The following PCDH15 variants were observed in gnomAD, a reference collection of about 807,000 sequenced individuals.
PCDH15 encodes protocadherin-15.
A neutral mutation model predicts 178.5 loss-of-function variants in PCDH15; 129 were observed. That is an observed-to-expected ratio of 0.72 (90% CI 0.63 to 0.84). The LOEUF is 0.84. Among genes scored for constraint, PCDH15 ranks in the 40% least tolerant of loss-of-function variants. PCDH15 has a pLI of 0.00. For missense variants in PCDH15, 2,230 were observed against 2,099.9 expected (o/e 1.06, Z -1.21); for synonymous variants, 800 against 732.0 (o/e 1.09, Z -1.50).
chr10:54,174,076 A>G (rs1056295196), intron 13 of PCDH15, among the ~76,000 whole-genome samples: 2 of 152,222 alleles, frequency 1.3e-5, no homozygotes, highest in African/African-American at 4.8e-5. Context: ...TTTTTATAGC[A>G]GTAGAAAACC....
chr10:55,345,468 A>G (rs1277639534), intron 2 of PCDH15, among the ~76,000 whole-genome samples: 1 of 152,024 alleles, frequency 6.6e-6, no homozygotes, highest in Admixed American at 6.6e-5. Context: ...CACCACTTCA[A>G]AGCCCTAAGC....
At chr10:55,542,649 G>T (rs1841794216) in intron 2 of PCDH15, among the ~76,000 whole-genome samples, 1 of 130,060 alleles carries the variant, frequency 7.7e-6, no homozygotes, top group Non-Finnish European at 1.7e-5. Flanking sequence ...ATATGTATGT[G>T]TCTATATAGG....
chr10:54,018,202 C>G (rs2092804343), intron 20 of PCDH15, among the ~76,000 whole-genome samples: 1 of 152,066 alleles, frequency 6.6e-6, no homozygotes, highest in African/African-American at 2.4e-5. Flanking sequence ...ACTAAGGTCC[C>G]TCAGAGACAT....
At chr10:55,291,959 A>G (rs1843018819) in intron 1 of PCDH15, among the ~76,000 whole-genome samples, 1 of 152,144 alleles carries the variant, frequency 6.6e-6, no homozygotes, top group South Asian at 2.1e-4. Flanking sequence ...AGACCTGCCC[A>G]CATGACTCAA....
At chr10:54,468,858 G>C (rs1162821301) in intron 3 of PCDH15, among the ~76,000 whole-genome samples, 1 of 151,972 alleles carries the variant, frequency 6.6e-6, no homozygotes, top group South Asian at 2.1e-4. Flanking sequence ...ATTTACAGTT[G>C]TTATATTCTT....
chr10:54,049,948 T>C (rs1405530462), intron 18 of PCDH15, among the ~76,000 whole-genome samples: 1 of 152,194 alleles, frequency 6.6e-6, no homozygotes, highest in Non-Finnish European at 1.5e-5. Flanking sequence ...TTTAGTATGC[T>C]GTGAAATTCA....
chr10:54,166,256 C>G (rs1156843235), intron 13 of PCDH15, among the ~76,000 whole-genome samples: 1 of 152,172 alleles, frequency 6.6e-6, no homozygotes, highest in Non-Finnish European at 1.5e-5. Flanking sequence ...TCTTTCTCAT[C>G]AAATTTAACA....
chr10:53,982,197 T>C (rs1223584338), intron 21 of PCDH15, among the ~76,000 whole-genome samples: 2 of 152,010 alleles, frequency 1.3e-5, no homozygotes, highest in African/African-American at 2.4e-5. Context: ...TGTGGAGAAA[T>C]AGGAACACTT....
rs368638519 is a variant in PCDH15 at position 54,649,555 on chromosome 10, A to G, written c.91+14617T>C. On this transcript the variant is annotated intron_variant, in intron 2 of 37. Coordinates refer to ENST00000644397, the MANE Select transcript of PCDH15 (RefSeq NM_001384140.1). ...CTCTCATCAGTATTCCAATTTTTCA[A>G]TGAAGAACAATATATATGTAATCTA... 2.4e-4 allele frequency among the ~76,000 whole-genome samples: 36 copies of G among 152,260 alleles called. No individual in the cohort carries two copies. In the South Asian group the frequency reaches 6.6e-3, roughly 28 times the overall value.
chr10:54,227,667 A>C (rs1248284587), intron 9 of PCDH15, among the ~76,000 whole-genome samples: 2 of 152,182 alleles, frequency 1.3e-5, no homozygotes, highest in African/African-American at 2.4e-5. Context: ...CTTTTCTATC[A>C]AATTATCAGG....
At chr10:55,327,342 C>A (rs115315706) in intron 2 of PCDH15, among the ~76,000 whole-genome samples, 1 of 151,874 alleles carries the variant, frequency 6.6e-6, no homozygotes, top group Admixed American at 6.6e-5. Flanking sequence ...TAGCCTATGG[C>A]ATTTTTGTTA....
At chr10:54,120,971 T>C (rs2095208346) in intron 15 of PCDH15, among the ~76,000 whole-genome samples, 1 of 151,722 alleles carries the variant, frequency 6.6e-6, no homozygotes, top group Non-Finnish European at 1.5e-5. Context: ...ACTCCACCCA[T>C]GCACCACAGA....
chr10:54,797,879 A>G (rs1282020854), intron 1 of PCDH15, among the ~76,000 whole-genome samples: 1 of 151,976 alleles, frequency 6.6e-6, no homozygotes, highest in Non-Finnish European at 1.5e-5. Flanking sequence ...ACTCGTCTAC[A>G]TATTCTTCCA....
intron 2 of PCDH15, among the ~76,000 whole-genome samples, chr10:54,911,628 TC>T (rs907454519): frequency 1.2e-4 from 19 of 152,168 alleles, no homozygotes; most frequent in African/African-American, 4.6e-4. Context: ...TACCTAAATC[TC>T]ATATTGAATT....
At chr10:54,575,267 A>T (rs780293027) in intron 2 of PCDH15, 7 of 151,586 alleles carry the variant, frequency 4.6e-5, no homozygotes, top group Admixed American at 3.3e-4. Context: ...AACCTGCACA[A>T]TGTACACATG....
chr10:55,371,229 C>G (rs147653655), intron 2 of PCDH15, among the ~76,000 whole-genome samples: 189 of 152,174 alleles, frequency 1.2e-3, no homozygotes, highest in African/African-American at 3.9e-3. Context: ...CTACTACAGA[C>G]TGATTATTCT....
At chr10:54,748,698 T>C (rs1401905083) in intron 1 of PCDH15, among the ~76,000 whole-genome samples, 1 of 152,210 alleles carries the variant, frequency 6.6e-6, no homozygotes, top group Non-Finnish European at 1.5e-5. Context: ...CAGGACCTGG[T>C]AAGGCCTTAG....
chr10:54,306,359 A>C (rs767232239), intron 8 of PCDH15, among the ~76,000 whole-genome samples: 4 of 152,170 alleles, frequency 2.6e-5, no homozygotes, highest in East Asian at 1.9e-4. Context: ...TCAGAGAGAG[A>C]GAGCGAGAGA....
In PCDH15 at chr10:53,990,972, G is replaced by T. The variant is rs186955062; in HGVS notation, c.2868+4677C>A. Among the ~76,000 whole-genome samples the T allele has an allele frequency of 9.6e-4, 146 of 152,260 alleles. 1 individual carries two copies. Among genetic ancestry groups the T allele is most frequent in the Middle Eastern group, 3.4e-3 (1 of 294 alleles). ...GCACCCGGGCCGGCAGCTGCAGAGG[G>T]TGCACTGAGTCCCCCAGCACTGCCC... On this transcript the variant is annotated intron_variant, in intron 21 of 37. Transcript: ENST00000644397.
Sources: allele counts gnomAD v4.1 joint callset (sites outside exome capture counted in the v4.1 genomes callset), GRCh38; gene constraint gnomAD v4.1.1; transcripts MANE v1.5; gene names NCBI Gene and HGNC (gene_info 2026-07-23, HGNC 2026-07-21).